The following VWA8 variants were observed in gnomAD, a reference collection of about 807,000 sequenced individuals.
VWA8 encodes von Willebrand factor A domain containing 8.
Under a neutral mutation model 241.5 loss-of-function variants are expected in VWA8, and 221 were observed. That is an observed-to-expected ratio of 0.91 (90% CI 0.82 to 1.02). VWA8 has a LOEUF of 1.02. VWA8 is among the 50% of genes least tolerant of loss of function. VWA8 has a pLI of 0.00. For synonymous variants in VWA8, 852 were observed against 827.1 expected (o/e 1.03, Z -0.52); for missense variants, 2,322 against 2,328.7 (o/e 1.00, Z 0.06).
rs762658927 is a variant in VWA8, at chr13:41,761,186, T to A, written c.2368A>T (p.Ile790Phe). The stretch of plus-strand genomic sequence containing the variant: ...AGCAGGTGAAGGAATCTGTCAACAA[T>A]CTTGTTTTTTCCTACACCCTGTAAT... ...VGNQGVGKNK[I>F]VDRFLHLLNR... Residue 790 changes from isoleucine (I) to phenylalanine (F), a missense_variant, in exon 21 of 45, where the codon ATT (isoleucine) becomes TTT (phenylalanine). Coordinates refer to ENST00000379310, the MANE Select transcript of VWA8 (RefSeq NM_015058.2). The A allele has an allele frequency of 5.6e-6, 9 of 1,611,552 alleles. No homozygotes were observed. Among genetic ancestry groups the A allele is most frequent in the Non-Finnish European group, 7.6e-6 (9 of 1,178,422 alleles).
At chr13:41,573,213 G>A (rs1171858053) in intron 43 of VWA8, among the ~76,000 whole-genome samples, 1 of 151,102 alleles carries the variant, frequency 6.6e-6, no homozygotes, top group Admixed American at 6.6e-5. Flanking sequence ...CTCAAGACCA[G>A]CCTGGCCAAC....
chr13:41,610,987 A>G (rs1033613404), intron 39 of VWA8, among the ~76,000 whole-genome samples: 1 of 152,052 alleles, frequency 6.6e-6, no homozygotes, highest in African/African-American at 2.4e-5. Flanking sequence ...GCTGGTACCC[A>G]TTATCCTGAG....
rs2045489463 is a variant in VWA8 at position 41,732,141 on chromosome 13, T to C, written c.2441A>G (p.Gln814Arg). 6.2e-7 allele frequency: 1 copy of C among 1,612,642 alleles called. No homozygotes were observed. Among genetic ancestry groups the C allele is most frequent in the African/African-American group, 1.3e-5 (1 of 74,902 alleles). ...YIQLHRDTTV[Q>R]TLTLQPSVKD... ...AACCGAAGGCTGAAGCGTAAGAGTTTGTACTGTGGTATCCCTAAAGTAAAA... is the reference window on the plus strand; with the variant it reads ...AACCGAAGGCTGAAGCGTAAGAGTTCGTACTGTGGTATCCCTAAAGTAAAA... The change falls in exon 22 of 45, where the codon CAA becomes CGA. Residue 814 changes from glutamine to arginine, a missense_variant. Coordinates refer to ENST00000379310, the MANE Select transcript of VWA8 (RefSeq NM_015058.2).
rs140081202 is a variant in VWA8, at chr13:41,832,377, A to T, written c.1586+994T>A. Among the ~76,000 whole-genome samples the T allele has an allele frequency of 2.6e-5, 4 of 152,372 alleles. No homozygotes were observed. The East Asian group carries it at 7.7e-4, about 29-fold the overall frequency. On this transcript the variant is annotated intron_variant, in intron 13 of 44. Transcript: ENST00000379310. ...TACTACTTGCAAACATGCAAGAGATAGCTAATAAAATGGGACTATTACCGT... is the reference window on the plus strand; with the variant it reads ...TACTACTTGCAAACATGCAAGAGATTGCTAATAAAATGGGACTATTACCGT...
At chr13:41,642,502 T>C (rs1396916788) in intron 37 of VWA8, among the ~76,000 whole-genome samples, 1 of 141,442 alleles carries the variant, frequency 7.1e-6, no homozygotes, top group South Asian at 2.2e-4. Context: ...GAGACTACAG[T>C]GAGCCGAGAT....
At chr13:41,829,110 T>C (rs1473988330) in intron 14 of VWA8, among the ~76,000 whole-genome samples, 1 of 152,154 alleles carries the variant, frequency 6.6e-6, no homozygotes, top group Non-Finnish European at 1.5e-5. Flanking sequence ...AGAGGAAAGA[T>C]TACCTTCTTA....
chr13:41,845,968 C>T (rs1872273117), intron 12 of VWA8, among the ~76,000 whole-genome samples: 1 of 152,064 alleles, frequency 6.6e-6, no homozygotes, highest in Non-Finnish European at 1.5e-5. Context: ...CACGTACTTC[C>T]TGAATCTAAA....
chr13:41,951,876 G>C (rs1228875564), intron 1 of VWA8, among the ~76,000 whole-genome samples: 2 of 152,124 alleles, frequency 1.3e-5, no homozygotes, highest in Non-Finnish European at 2.9e-5. Context: ...GTTTTTAACA[G>C]ATAAAGAAAT....
chr13:41,572,906 G>A (rs12430858), intron 43 of VWA8, among the ~76,000 whole-genome samples: 10 of 149,684 alleles, frequency 6.7e-5, no homozygotes, highest in Admixed American at 6.0e-4. Context: ...TCGGGAGTTC[G>A]AGACCGGCCT....
chr13:41,956,934 AT>A (rs1399274641), intron 1 of VWA8, among the ~76,000 whole-genome samples: 2 of 152,220 alleles, frequency 1.3e-5, no homozygotes, highest in Non-Finnish European at 2.9e-5. Flanking sequence ...CTTTAAAAAA[AT>A]GTATCTGTAT....
chr13:41,636,139 T>C (rs1271838775), intron 37 of VWA8, among the ~76,000 whole-genome samples: 3 of 152,066 alleles, frequency 2.0e-5, no homozygotes, highest in African/African-American at 4.8e-5. Context: ...ATTAAGAACA[T>C]CAGGGAGAAC....
Position 41,811,395 on chromosome 13 carries a change from C to T in VWA8, c.1948-55G>A, listed in dbSNP as rs769615130. The T allele has an allele frequency of 1.4e-4, 202 of 1,401,818 alleles. 1 individual carries two copies. Among genetic ancestry groups the T allele is most frequent in the Middle Eastern group, 7.2e-4 (4 of 5,534 alleles). 86.8% of individuals were successfully genotyped at this position (1,401,818 alleles called of 1,614,324 possible). On this transcript the variant is annotated intron_variant, in intron 16 of 44. Transcript: ENST00000379310. ...AGTCTTGTTTCAACTTGCTAAAGTCCCTTTAGATGGATATCACAGCAGAAT... is the reference window on the plus strand; with the variant it reads ...AGTCTTGTTTCAACTTGCTAAAGTCTCTTTAGATGGATATCACAGCAGAAT...
At chr13:41,717,382 A>G (rs2045354642) in intron 26 of VWA8, among the ~76,000 whole-genome samples, 1 of 152,028 alleles carries the variant, frequency 6.6e-6, no homozygotes, top group Admixed American at 6.6e-5. Context: ...CTGTACCAAT[A>G]GAGAATTAGT....
chr13:41,572,471 A>G (rs1173926726), intron 43 of VWA8, among the ~76,000 whole-genome samples: 1 of 152,200 alleles, frequency 6.6e-6, no homozygotes, highest in Non-Finnish European at 1.5e-5. Context: ...CTGCCTTGGG[A>G]TGCTGTTAAT....
intron 17 of VWA8, among the ~76,000 whole-genome samples, chr13:41,802,797 A>T (rs928891557): frequency 1.3e-5 from 2 of 152,226 alleles, no homozygotes; most frequent in African/African-American, 4.8e-5. Context: ...GATGAATCAC[A>T]ACCTGACTAA....
At chr13:41,578,116 G>A (rs1375765105) in intron 42 of VWA8, among the ~76,000 whole-genome samples, 1 of 152,158 alleles carries the variant, frequency 6.6e-6, no homozygotes, top group Non-Finnish European at 1.5e-5. Flanking sequence ...AAGAAAGGTG[G>A]ACTGTATGCT....
At chr13:41,878,918 C>A (rs894230078) in intron 9 of VWA8, among the ~76,000 whole-genome samples, 2 of 152,114 alleles carry the variant, frequency 1.3e-5, no homozygotes, top group Non-Finnish European at 2.9e-5. Context: ...GACCTTTGTT[C>A]ATAACTGACT....
intron 37 of VWA8, among the ~76,000 whole-genome samples, chr13:41,624,362 A>T (rs1374961451): frequency 6.6e-6 from 1 of 152,162 alleles, no homozygotes; most frequent in East Asian, 1.9e-4. Context: ...CCTGGTAGAG[A>T]CACAATGAAA....
chr13:41,918,158 G>A (rs752985536), intron 2 of VWA8, among the ~76,000 whole-genome samples: 12 of 152,034 alleles, frequency 7.9e-5, no homozygotes, highest in Non-Finnish European at 1.2e-4. Context: ...ATACAAAGAT[G>A]AATAAAATAA....
Sources: gnomAD v4.1 joint callset for allele counts (sites outside exome capture counted in the v4.1 genomes callset) on GRCh38, gnomAD v4.1.1 for gene constraint, MANE v1.5 for transcripts, NCBI Gene and HGNC (gene_info 2026-07-23, HGNC 2026-07-21) for gene names.